COL18A1: variants seen among roughly 807,000 people sequenced by gnomAD.
COL18A1 encodes collagen type XVIII alpha 1 chain, also known as collagen alpha-1(XVIII) chain.
COL18A1 carries 133 observed loss-of-function variants against 168.0 expected under a neutral mutation model. The ratio of observed to expected loss-of-function variants is 0.79; its 90% CI spans 0.69 to 0.91. COL18A1 has a LOEUF of 0.91. COL18A1 is among the 40% of genes least tolerant of loss of function. The pLI is 0.00. For synonymous variants in COL18A1, 949 were observed against 809.0 expected (o/e 1.17, Z -2.94); for missense variants, 2,126 against 1,925.4 (o/e 1.10, Z -1.95).
intron 2 of COL18A1, among the ~76,000 whole-genome samples, chr21:45,441,500 C>T (rs1200914567): frequency 1.3e-5 from 2 of 152,230 alleles, no homozygotes; most frequent in Non-Finnish European, 2.9e-5. Flanking sequence ...CGAGGGCTGC[C>T]AGCTCCTGGC....
chr21:45,415,151 C>T (rs765898873), intron 2 of COL18A1, among the ~76,000 whole-genome samples: 2 of 152,212 alleles, frequency 1.3e-5, no homozygotes, highest in Non-Finnish European at 2.9e-5. Context: ...GTTGGTTCAC[C>T]GAAGGGGTGG....
At chr21:45,462,420 C>T (rs1368381207) in intron 2 of COL18A1, among the ~76,000 whole-genome samples, 1 of 152,146 alleles carries the variant, frequency 6.6e-6, no homozygotes, top group African/African-American at 2.4e-5. Flanking sequence ...TTGATGGTGG[C>T]CACAAGCCCC....
At chr21:45,418,435 G>C (rs1318589247) in intron 2 of COL18A1, among the ~76,000 whole-genome samples, 1 of 152,134 alleles carries the variant, frequency 6.6e-6, no homozygotes, top group East Asian at 1.9e-4. Context: ...CCCTTGCTTT[G>C]TGGCAGGAGC....
rs138404125 is a variant in COL18A1, at chr21:45,450,925, T to C, written c.107-17317T>C. Among the ~76,000 whole-genome samples the C allele has an allele frequency of 1.2e-3, 181 of 152,306 alleles. 1 individual carries two copies. Among genetic ancestry groups the C allele is most frequent in the Non-Finnish European group, 1.3e-3 (91 of 68,014 alleles). The stretch of plus-strand genomic sequence containing the variant: ...CCAGAGGCTGAGGGAGGACACACAC[T>C]CCATGGTGGGACAGCACCCCCGGGT... On this transcript the variant is annotated intron_variant, in intron 2 of 41. Transcript: ENST00000651438.
intron 2 of COL18A1, among the ~76,000 whole-genome samples, chr21:45,439,622 C>T (rs1000321463): frequency 6.6e-6 from 1 of 152,228 alleles, no homozygotes; most frequent in African/African-American, 2.4e-5. Flanking sequence ...TCCAGACGTC[C>T]TGGGCCAAGT....
At chr21:45,442,927 GTGGTGGTGCTGGTGTGGGC>G in intron 2 of COL18A1, among the ~76,000 whole-genome samples, 2 of 138,952 alleles carry the variant, frequency 1.4e-5, no homozygotes, top group African/African-American at 3.0e-5. Flanking sequence ...GGTGTGGGCG[GTGGTGGTGCTGGTGTGGGC>G]AGCGGTGCTG....
intron 2 of COL18A1, among the ~76,000 whole-genome samples, chr21:45,464,448 G>T (rs1417408878): frequency 6.6e-6 from 1 of 152,196 alleles, no homozygotes; most frequent in Non-Finnish European, 1.5e-5. Flanking sequence ...GGTCAGGTGG[G>T]GGCACCGTGT....
chr21:45,450,137 T>A (rs899824011), intron 2 of COL18A1, among the ~76,000 whole-genome samples: 2 of 152,138 alleles, frequency 1.3e-5, no homozygotes, highest in African/African-American at 4.8e-5. Context: ...CCCTGGAATC[T>A]CCAGGAGCCT....
At chr21:45,491,392 C>A in intron 22 of COL18A1, 78 bp downstream of exon 22, 1 of 729,530 alleles carries the variant, frequency 1.4e-6, no homozygotes, top group South Asian at 1.5e-5. Context: ...CGAGCCCCCC[C>A]CACACCCCCA....
chr21:45,479,429 CAT>C (rs1427889390), intron 9 of COL18A1, among the ~76,000 whole-genome samples: 1 of 151,844 alleles, frequency 6.6e-6, no homozygotes, highest in South Asian at 2.1e-4. Context: ...CACGTGGACA[CAT>C]GCACACACAC....
intron 2 of COL18A1, among the ~76,000 whole-genome samples, chr21:45,426,869 C>T (rs1311963276): frequency 6.6e-6 from 1 of 152,190 alleles, no homozygotes; most frequent in Non-Finnish European, 1.5e-5. Flanking sequence ...GACTGATGCT[C>T]CCCGCGGTGG....
intron 2 of COL18A1, among the ~76,000 whole-genome samples, chr21:45,442,339 G>A (rs1367220443): frequency 6.6e-6 from 1 of 152,232 alleles, no homozygotes; most frequent in Non-Finnish European, 1.5e-5. Flanking sequence ...TGAAGCCACA[G>A]AGGCACACGT....
At position 45,494,349 on chromosome 21, in the gene COL18A1, T is replaced by C. The variant is rs1556330; in HGVS notation, c.2353-196T>C. 0.13 allele frequency: 83,457 copies of C among 657,348 alleles called. 6,331 individuals are homozygous for C. Among genetic ancestry groups the C allele is most frequent in the African/African-American group, 0.31 (16,767 of 54,154 alleles). 40.7% of individuals were successfully genotyped at this position (657,348 alleles called of 1,614,324 possible). ...ACCCGACCCTCCCCTCACCAGTGGCTCCTGTCCTCCCCAGGGCTGCCTGCG... is the reference window on the plus strand; with the variant it reads ...ACCCGACCCTCCCCTCACCAGTGGCCCCTGTCCTCCCCAGGGCTGCCTGCG... On this transcript the variant is annotated intron_variant, in intron 26 of 41. Transcript: ENST00000651438.
At position 45,425,677 on chromosome 21, in the gene COL18A1, G is replaced by A. The variant is rs1021942952; in HGVS notation, c.106+20204G>A. Among the ~76,000 whole-genome samples, 2 of 152,094 alleles carry A rather than the reference G, an allele frequency of 1.3e-5. No individual in the cohort carries two copies. The highest frequency in any genetic ancestry group is 1.9e-4 in the East Asian group (1 of 5,170). On this transcript the variant is annotated intron_variant, in intron 2 of 41. Transcript: ENST00000651438. This position sits in a 1 kb window ranked among gnomAD's most constrained non-coding sequence, Gnocchi z 4.1. The stretch of plus-strand genomic sequence containing the variant: ...TCCCCGGCTCCTCAGGGGGAGGTTC[G>A]GGGCCTTTGGTCTCTGGACTTGGGC...
chr21:45,456,934 A>G (rs769166648), intron 2 of COL18A1: 25 of 1,343,516 alleles, frequency 1.9e-5, no homozygotes, highest in Non-Finnish European at 2.3e-5. Context: ...TTGCCAGGTA[A>G]GTGTGGGCGG....
At chr21:45,451,585 G>C (rs2034623376) in intron 2 of COL18A1, among the ~76,000 whole-genome samples, 1 of 152,366 alleles carries the variant, frequency 6.6e-6, no homozygotes, top group African/African-American at 2.4e-5. Context: ...TGCTGAGGGA[G>C]TTTGTGGTTA....
rs570028571 is a variant in COL18A1 at position 45,423,436 on chromosome 21, G to A, written c.106+17963G>A. Among the ~76,000 whole-genome samples the A allele has an allele frequency of 1.3e-4, 20 of 152,184 alleles. No individual in the cohort carries two copies. Among genetic ancestry groups the A allele is most frequent in the Admixed American group, 9.2e-4 (14 of 15,284 alleles). ...AGGCGTGGAGCTCCACAAGCACCTCGGACGGCAGCAGGACCCTCCCAAAGC... is the reference window on the plus strand; with the variant it reads ...AGGCGTGGAGCTCCACAAGCACCTCAGACGGCAGCAGGACCCTCCCAAAGC... On this transcript the variant is annotated intron_variant, in intron 2 of 41. Coordinates refer to ENST00000651438, the MANE Select transcript of COL18A1 (RefSeq NM_001379500.1). The surrounding 1 kb of genome is among the most constrained non-coding windows in gnomAD (Gnocchi z 4.0).
At chr21:45,458,892 T>C (rs962381409) in intron 2 of COL18A1, among the ~76,000 whole-genome samples, 3 of 152,076 alleles carry the variant, frequency 2.0e-5, no homozygotes, top group Non-Finnish European at 4.4e-5. Context: ...CTCCTGGGAG[T>C]TGGGGCACAG....
rs369219412 is a variant in COL18A1 at position 45,473,897 on chromosome 21, G to T, written c.654G>T (p.Gly218=). The T allele has an allele frequency of 1.9e-5, 31 of 1,599,828 alleles. No homozygotes were observed. Among genetic ancestry groups the T allele is most frequent in the Middle Eastern group, 1.6e-4 (1 of 6,066 alleles). Residue 218 remains glycine (G), a splice_region_variant and synonymous_variant, in exon 4 of 42, where the codon GGG becomes GGT. Transcript: ENST00000651438. The surrounding 1 kb of genome is among the most constrained non-coding windows in gnomAD (Gnocchi z 4.0). ...CCCCTTTCTCTGTCTGCATTTAGGG[G>T]GTGATCGCTGAGCTGAAGGTGCGCA... is the stretch of plus-strand genomic sequence containing the variant. ...AGGADPDKFQ[G]VIAELKVRRD...
Sources: allele counts gnomAD v4.1 joint callset (sites outside exome capture counted in the v4.1 genomes callset), GRCh38; gene constraint gnomAD v4.1.1; non-coding constraint Gnocchi (gnomAD v3.1); transcripts MANE v1.5; gene names NCBI Gene and HGNC (gene_info 2026-07-23, HGNC 2026-07-21).